SNTG1: variants seen among roughly 807,000 people sequenced by gnomAD.
SNTG1 encodes the protein syntrophin gamma 1.
Under a neutral mutation model 74.7 loss-of-function variants are expected in SNTG1, and 39 were observed. The ratio of observed to expected loss-of-function variants is 0.52; its 90% CI spans 0.40 to 0.68. The LOEUF is 0.68. SNTG1 is among the 30% of genes least tolerant of loss of function. The probability of loss-of-function intolerance (pLI) is 0.00; values close to 1 mark genes in which losing one functional copy is unlikely to be tolerated. For synonymous variants in SNTG1, 254 were observed against 217.1 expected (o/e 1.17, Z -1.49); for missense variants, 685 against 609.5 (o/e 1.12, Z -1.30).
At chr8:50,174,496 G>T in intron 2 of SNTG1, among the ~76,000 whole-genome samples, 1 of 152,140 alleles carries the variant, frequency 6.6e-6, no homozygotes, top group East Asian at 1.9e-4. Context: ...ATTAAACAGT[G>T]TATTTTCATC....
At chr8:50,274,919 G>A (rs1190570191) in intron 2 of SNTG1, among the ~76,000 whole-genome samples, 2 of 152,158 alleles carry the variant, frequency 1.3e-5, no homozygotes, top group African/African-American at 2.4e-5. Flanking sequence ...GTAGTACTAT[G>A]TAATTCTTTT....
In SNTG1 at chr8:50,595,811, T is replaced by A. The variant is rs541938992; in HGVS notation, c.849+4894T>A. Among the ~76,000 whole-genome samples, 38 of 152,202 alleles carry A rather than the reference T, an allele frequency of 2.5e-4. No homozygotes were observed. The South Asian group carries it at 6.2e-3, about 25-fold the overall frequency. ...AGCAGCGTGCATCAATCCATCATTC[T>A]TTCTAATGCTGGGTAGTATTTTATC... is the stretch of plus-strand genomic sequence containing the variant. On this transcript the variant is annotated intron_variant, in intron 13 of 18. Transcript: ENST00000642720.
chr8:50,680,974 C>T (rs985506331), intron 15 of SNTG1, among the ~76,000 whole-genome samples: 8 of 152,080 alleles, frequency 5.3e-5, no homozygotes, highest in East Asian at 1.9e-4. Context: ...ACTTAAATTT[C>T]GTTTGGTTTA....
chr8:50,244,946 G>T (rs1018911284), intron 2 of SNTG1, among the ~76,000 whole-genome samples: 26 of 152,074 alleles, frequency 1.7e-4, no homozygotes, highest in African/African-American at 5.3e-4. Context: ...AAATTTTATT[G>T]TACAGTTTAA....
intron 1 of SNTG1, among the ~76,000 whole-genome samples, chr8:50,023,739 C>T (rs373402184): frequency 6.6e-6 from 1 of 152,148 alleles, no homozygotes; most frequent in Non-Finnish European, 1.5e-5. Context: ...TGCAGTTTCC[C>T]TTTTTTCCAA....
At chr8:50,115,576 A>AACAAAACAAAAAAAAAAAAAC (rs2080785415) in intron 1 of SNTG1, among the ~76,000 whole-genome samples, 4 of 82,800 alleles carry the variant, frequency 4.8e-5, no homozygotes, top group Admixed American at 1.8e-4. Context: ...TCAAAAAAAA[A>AACAAAACAAAAAAAAAAAAAC]AAAAAAAAAA....
intron 5 of SNTG1, among the ~76,000 whole-genome samples, chr8:50,439,436 C>T (rs2093337329): frequency 6.6e-6 from 1 of 152,088 alleles, no homozygotes; most frequent in Admixed American, 6.6e-5. Context: ...TTATGGAAAG[C>T]AGAACTCTAA....
chr8:50,127,999 G>A (rs2081200724), intron 1 of SNTG1, among the ~76,000 whole-genome samples: 1 of 151,990 alleles, frequency 6.6e-6, no homozygotes, highest in African/African-American at 2.4e-5. Context: ...ATTAGATTGG[G>A]GAGAGAGTCT....
chr8:49,991,029 G>T (rs1473531634), intron 1 of SNTG1, among the ~76,000 whole-genome samples: 1 of 152,034 alleles, frequency 6.6e-6, no homozygotes, highest in Admixed American at 6.6e-5. Flanking sequence ...AAAAAGTGTT[G>T]GCAAATTATG....
chr8:50,237,789 A>G (rs1397764228), intron 2 of SNTG1, among the ~76,000 whole-genome samples: 1 of 152,100 alleles, frequency 6.6e-6, no homozygotes, highest in South Asian at 2.1e-4. Context: ...ATATCCTAAT[A>G]GTGTAAGGTA....
chr8:49,964,083 C>T (rs983652233), intron 1 of SNTG1, among the ~76,000 whole-genome samples: 3 of 152,180 alleles, frequency 2.0e-5, no homozygotes, highest in Non-Finnish European at 4.4e-5. Context: ...GATGTGTCAA[C>T]TTGTCTAGGC....
intron 8 of SNTG1, among the ~76,000 whole-genome samples, chr8:50,481,982 T>C (rs985572961): frequency 6.6e-6 from 1 of 152,218 alleles, no homozygotes; most frequent in African/African-American, 2.4e-5. Context: ...TGCAACATGT[T>C]ATGGACATAT....
At chr8:50,360,265 C>T (rs1352587166) in intron 2 of SNTG1, among the ~76,000 whole-genome samples, 2 of 152,084 alleles carry the variant, frequency 1.3e-5, no homozygotes, top group Non-Finnish European at 1.5e-5. Context: ...TGAAACCCAC[C>T]CCCATTTCCA....
intron 3 of SNTG1, among the ~76,000 whole-genome samples, chr8:50,398,516 A>T (rs1281400191): frequency 6.6e-6 from 1 of 152,248 alleles, no homozygotes; most frequent in African/African-American, 2.4e-5. Flanking sequence ...TTTCAAGACA[A>T]ACCACACATA....
intron 1 of SNTG1, among the ~76,000 whole-genome samples, chr8:50,070,566 A>G (rs930637321): frequency 1.3e-5 from 2 of 152,206 alleles, no homozygotes; most frequent in Non-Finnish European, 2.9e-5. Context: ...CAAATTCCAT[A>G]AAAGCAAGCT....
At chr8:50,125,260 T>C (rs1195487814) in intron 1 of SNTG1, among the ~76,000 whole-genome samples, 1 of 142,592 alleles carries the variant, frequency 7.0e-6, no homozygotes, top group Non-Finnish European at 1.6e-5. Flanking sequence ...GCTAAGAATA[T>C]AAGCCATTAT....
At chr8:50,398,188 T>C (rs574503729) in intron 3 of SNTG1, among the ~76,000 whole-genome samples, 1 of 152,344 alleles carries the variant, frequency 6.6e-6, no homozygotes, top group Admixed American at 6.5e-5. Context: ...TTATTCTCCA[T>C]CTTCTACTCT....
chr8:50,772,207 A>C (rs1393826974), intron 18 of SNTG1, among the ~76,000 whole-genome samples: 3 of 152,078 alleles, frequency 2.0e-5, no homozygotes, highest in Admixed American at 2.0e-4. Flanking sequence ...ACTTCAATCT[A>C]TGAGGGCAGA....
At chr8:50,432,185 A>C (rs918666475) in intron 4 of SNTG1, among the ~76,000 whole-genome samples, 1 of 152,118 alleles carries the variant, frequency 6.6e-6, no homozygotes, top group Non-Finnish European at 1.5e-5. Flanking sequence ...ACACTGTGTT[A>C]ATTTTTGTGA....
Sources: gnomAD v4.1 joint callset for allele counts (sites outside exome capture counted in the v4.1 genomes callset) on GRCh38, gnomAD v4.1.1 for gene constraint, MANE v1.5 for transcripts, NCBI Gene and HGNC (gene_info 2026-07-23, HGNC 2026-07-21) for gene names.